CNTN4: variants seen among roughly 807,000 people sequenced by gnomAD.
CNTN4 encodes the protein contactin 4.
A neutral mutation model predicts 122.5 loss-of-function variants in CNTN4; 77 were observed. That is an observed-to-expected ratio of 0.63 (90% CI 0.52 to 0.76). The LOEUF (loss-of-function observed/expected upper bound fraction) is 0.76. Among genes scored for constraint, CNTN4 ranks in the 30% least tolerant of loss-of-function variants. The probability of loss-of-function intolerance (pLI) is 0.00; values close to 1 mark genes in which losing one functional copy is unlikely to be tolerated. For synonymous variants in CNTN4, 512 were observed against 447.0 expected (o/e 1.15, Z -1.83); for missense variants, 1,256 against 1,259.1 (o/e 1.00, Z 0.04).
chr3:2,551,675 A>G (rs34963805), intron 3 of CNTN4, among the ~76,000 whole-genome samples: 15,975 of 152,214 alleles, frequency 0.1, 910 homozygotes, highest in African/African-American at 0.12. Flanking sequence ...ATTTTAAGTA[A>G]TGCAGAAAAG....
At chr3:2,571,804 A>G (rs1272397923) in intron 4 of CNTN4, among the ~76,000 whole-genome samples, 1 of 149,566 alleles carries the variant, frequency 6.7e-6, no homozygotes, top group Non-Finnish European at 1.5e-5. Context: ...GAGTCGTTTG[A>G]GCCATTATTT....
chr3:2,840,138 A>C (rs2093322109), intron 7 of CNTN4, among the ~76,000 whole-genome samples: 1 of 152,086 alleles, frequency 6.6e-6, no homozygotes, highest in South Asian at 2.1e-4. Flanking sequence ...GTTCATTTGC[A>C]GTCCTTCCAG....
At chr3:2,306,968 A>G (rs1364015456) in intron 2 of CNTN4, among the ~76,000 whole-genome samples, 1 of 152,178 alleles carries the variant, frequency 6.6e-6, no homozygotes, top group Non-Finnish European at 1.5e-5. Flanking sequence ...TTGAACTTGT[A>G]TCCTAGAATT....
chr3:2,654,300 C>G (rs192049143), intron 4 of CNTN4, among the ~76,000 whole-genome samples: 1 of 152,134 alleles, frequency 6.6e-6, no homozygotes, highest in African/African-American at 2.4e-5. Flanking sequence ...CTAAGAAAAT[C>G]CCCTCAAAAT....
At chr3:2,763,747 C>T (rs1361769186) in intron 6 of CNTN4, among the ~76,000 whole-genome samples, 1 of 152,054 alleles carries the variant, frequency 6.6e-6, no homozygotes, top group African/African-American at 2.4e-5. Flanking sequence ...GAATCCTTTC[C>T]CCGTTGTTTG....
At chr3:2,873,023 G>A (rs945426720) in intron 8 of CNTN4, among the ~76,000 whole-genome samples, 11 of 152,072 alleles carry the variant, frequency 7.2e-5, no homozygotes, top group African/African-American at 2.4e-4. Context: ...CTTTCACCCA[G>A]TAGGAAAAAG....
chr3:2,759,532 G>A (rs140924796), intron 6 of CNTN4, among the ~76,000 whole-genome samples: 18 of 152,224 alleles, frequency 1.2e-4, no homozygotes, highest in South Asian at 6.2e-4. Flanking sequence ...GTTGATGGAC[G>A]CTTGGGTTCT....
intron 3 of CNTN4, among the ~76,000 whole-genome samples, chr3:2,467,230 C>G (rs1312653085): frequency 6.7e-6 from 1 of 150,190 alleles, no homozygotes. Flanking sequence ...TAAATTGGTG[C>G]ACTTTTGCTA....
chr3:2,605,018 T>G (rs1490403689), intron 4 of CNTN4, among the ~76,000 whole-genome samples: 1 of 152,144 alleles, frequency 6.6e-6, no homozygotes, highest in Non-Finnish European at 1.5e-5. Flanking sequence ...TTTTAAACAT[T>G]TATTTAGAGA....
chr3:2,106,408 A>G (rs1237513835), intron 2 of CNTN4, among the ~76,000 whole-genome samples: 1 of 151,572 alleles, frequency 6.6e-6, no homozygotes, highest in African/African-American at 2.4e-5. Context: ...ATTTCCGTAC[A>G]TCTACTGAAA....
At chr3:2,988,671 T>C (rs372234224) in intron 14 of CNTN4, 199 bp downstream of exon 14, 6 of 606,430 alleles carry the variant, frequency 9.9e-6, no homozygotes, top group African/African-American at 5.5e-5. Context: ...GGCTATCTTA[T>C]TTCAGAATCA....
rs148815979 is a variant in CNTN4, at chr3:2,612,487, G to A, written c.55+40929G>A. On this transcript the variant is annotated intron_variant, in intron 4 of 24. Transcript: ENST00000418658. The stretch of plus-strand genomic sequence containing the variant: ...CGTGTGTATATGTGTGTGTGCGTGT[G>A]AATTGGAACACACACAGTTGCTTTT... Among the ~76,000 whole-genome samples, 1,337 of 152,188 alleles carry A rather than the reference G, an allele frequency of 8.8e-3. 19 individuals carry two copies. Among genetic ancestry groups the A allele is most frequent in the African/African-American group, 0.03 (1,252 of 41,530 alleles).
intron 21 of CNTN4, 124 bp downstream of exon 21, chr3:3,042,546 C>A: frequency 1.4e-6 from 1 of 718,114 alleles, no homozygotes; most frequent in Admixed American, 2.0e-5. Context: ...TTAGGCCTGG[C>A]TTCCAGCTGA....
intron 13 of CNTN4, among the ~76,000 whole-genome samples, chr3:2,971,327 T>C (rs956597182): frequency 4.8e-5 from 7 of 144,568 alleles, no homozygotes; most frequent in African/African-American, 2.0e-4. Flanking sequence ...TATCTATCTA[T>C]ATCTATATCT....
chr3:2,371,162 A>G (rs1488842256), intron 3 of CNTN4, among the ~76,000 whole-genome samples: 1 of 152,170 alleles, frequency 6.6e-6, no homozygotes, highest in Non-Finnish European at 1.5e-5. Context: ...TCCTTCTAAC[A>G]TAGTTCATCA....
chr3:2,703,037 C>T (rs1346791519), intron 4 of CNTN4, among the ~76,000 whole-genome samples: 1 of 152,028 alleles, frequency 6.6e-6, no homozygotes, highest in Non-Finnish European at 1.5e-5. Flanking sequence ...GTTACTATTC[C>T]AAGGGTTTTA....
chr3:2,823,265 G>A (rs369216435), intron 7 of CNTN4, among the ~76,000 whole-genome samples: 1 of 152,158 alleles, frequency 6.6e-6, no homozygotes, highest in Admixed American at 6.5e-5. Context: ...AAATGAGTCA[G>A]CCTTTTATTA....
intron 2 of CNTN4, among the ~76,000 whole-genome samples, chr3:2,152,158 T>A (rs553398102): frequency 6.6e-6 from 1 of 152,194 alleles, no homozygotes; most frequent in South Asian, 2.1e-4. Flanking sequence ...GTTTGTCAGA[T>A]GGGTATGTGG....
chr3:2,881,059 C>G (rs1260387293), intron 8 of CNTN4, among the ~76,000 whole-genome samples: 1 of 152,094 alleles, frequency 6.6e-6, no homozygotes, highest in African/African-American at 2.4e-5. Context: ...AAAATGAAAA[C>G]AAGAAGAAGA....
Sources: allele counts gnomAD v4.1 joint callset (sites outside exome capture counted in the v4.1 genomes callset), GRCh38; gene constraint gnomAD v4.1.1; transcripts MANE v1.5; gene names NCBI Gene and HGNC (gene_info 2026-07-23, HGNC 2026-07-21).